TTN: variants seen among roughly 807,000 people sequenced by gnomAD.
TTN encodes titin.
TTN carries 1,525 observed loss-of-function variants against 3,223.0 expected under a neutral mutation model. The ratio of observed to expected loss-of-function variants is 0.47; its 90% CI spans 0.45 to 0.49. The LOEUF (loss-of-function observed/expected upper bound fraction) is 0.49. TTN is among the 20% of genes least tolerant of loss of function. TTN has a pLI of 0.00. For missense variants in TTN, 40,786 were observed against 43,424.0 expected (o/e 0.94, Z 5.40); for synonymous variants, 14,094 against 15,161.0 (o/e 0.93, Z 5.17).
chr2:178,712,067 A>C lies in TTN; in HGVS notation c.27763T>G (p.Phe9255Val), dbSNP rs2076737035. 1.9e-6 allele frequency: 3 copies of C among 1,613,800 alleles called. No individual in the cohort carries two copies. Among genetic ancestry groups the C allele is most frequent in the Non-Finnish European group, 2.5e-6 (3 of 1,179,784 alleles). ...LRPTTTYKMHFRNNVATLVFN... is the reference protein window; with the variant it reads ...LRPTTTYKMHVRNNVATLVFN... Reference sequence around the variant, plus strand: ...ACCAGTGTAGCAACATTATTCCTAAAATGCATTTTGTAAGTCGTAGTGGGT... The same window carrying C: ...ACCAGTGTAGCAACATTATTCCTAACATGCATTTTGTAAGTCGTAGTGGGT... The change falls in exon 96 of 363, where the codon TTT (phenylalanine) becomes GTT (valine). Residue 9255 changes from phenylalanine (F) to valine (V), a missense_variant. Phe to Val is a conservative substitution (Grantham distance 50). Coordinates refer to ENST00000589042, the MANE Select transcript of TTN (RefSeq NM_001267550.2).
rs2060245569 is a variant in TTN at position 178,634,932 on chromosome 2, G to T, written c.42025-83C>A. 2 of 1,484,996 alleles carry T rather than the reference G, an allele frequency of 1.3e-6. No homozygotes were observed. The highest frequency in any genetic ancestry group is 2.4e-5 in the East Asian group (1 of 42,358). The allele number at this position is 1,484,996 out of a possible 1,614,324, so 92.0% of individuals were successfully genotyped here. On this transcript the variant is annotated intron_variant, in intron 228 of 362. Coordinates refer to ENST00000589042, the MANE Select transcript of TTN (RefSeq NM_001267550.2). The surrounding 1 kb of genome is among the most constrained non-coding windows in gnomAD (Gnocchi z 4.6). ...TGTTTCAGATACAAATTTCTATAGA[G>T]TTTTAAAAATTACTACTAATAAAAG...
Position 178,684,755 on chromosome 2 carries a change from A to G in TTN, c.32555-6T>C, listed in dbSNP as rs375742678. 340 of 1,613,412 alleles carry G rather than the reference A, an allele frequency of 2.1e-4. No homozygotes were observed. In the African/African-American group the frequency reaches 4.2e-3, roughly 20 times the overall value. ...TTTCTTTGGCTCTTCTGGCACTTAA[A>G]AGATACCAGGCAATACCATCAAACA... is the stretch of plus-strand genomic sequence containing the variant. On this transcript the variant is annotated splice_region_variant and splice_polypyrimidine_tract_variant and intron_variant, in intron 130 of 362. Transcript: ENST00000589042.
At chr2:178,743,575 T>C (rs185345846) in intron 47 of TTN, among the ~76,000 whole-genome samples, 1 of 152,130 alleles carries the variant, frequency 6.6e-6, no homozygotes, top group Admixed American at 6.6e-5. Context: ...TTTTCAGCTC[T>C]TCCTGAAATC....
At chr2:178,749,013 A>T (rs1561003401) in intron 47 of TTN, 1 of 1,612,508 alleles carries the variant, frequency 6.2e-7, no homozygotes, top group Non-Finnish European at 8.5e-7. Context: ...AATTTTTCAA[A>T]TTCGATAATT....
chr2:178,611,996 ACAC>A (rs750059402), intron 267 of TTN, 42 bp from the exon 268 acceptor site: 5 of 1,604,390 alleles, frequency 3.1e-6, no homozygotes, highest in Non-Finnish European at 4.2e-6. Context: ...TAATGAAAAA[ACAC>A]AGTTAAGAAT....
At chr2:178,643,561 CT>C (rs2061512125) in intron 218 of TTN, among the ~76,000 whole-genome samples, 1 of 151,848 alleles carries the variant, frequency 6.6e-6, no homozygotes, top group East Asian at 1.9e-4. Context: ...ATTTTCTTTA[CT>C]GATATAATGA....
At chr2:178,598,434 A>G (rs1384133933) in intron 292 of TTN, 72 bp downstream of exon 292, 17 of 1,531,114 alleles carry the variant, frequency 1.1e-5, no homozygotes, top group Middle Eastern at 1.7e-4. Flanking sequence ...ACAGAAGTTA[A>G]TGGGATTGAG....
intron 350 of TTN, 200 bp downstream of exon 350, chr2:178,541,082 C>A: frequency 2.4e-6 from 1 of 421,132 alleles, no homozygotes; most frequent in Non-Finnish European, 4.0e-6. Flanking sequence ...TCGCTAGCAG[C>A]TGGGGTGGGG....
intron 33 of TTN, 191 bp downstream of exon 33, chr2:178,772,918 T>C: frequency 1.5e-6 from 1 of 669,396 alleles, no homozygotes; most frequent in Non-Finnish European, 2.5e-6. Flanking sequence ...AGGTGACGTT[T>C]GAGGTAGGCC....
Position 178,576,839 on chromosome 2 carries a change from G to A in TTN, c.69413-8C>T. 1 of 1,602,140 alleles carries A rather than the reference G, an allele frequency of 6.2e-7. No individual in the cohort carries two copies. The highest frequency in any genetic ancestry group is 8.5e-7 in the Non-Finnish European group (1 of 1,176,884). On this transcript the variant is annotated splice_polypyrimidine_tract_variant and splice_region_variant and intron_variant, in intron 324 of 362. Coordinates refer to ENST00000589042, the MANE Select transcript of TTN (RefSeq NM_001267550.2). The surrounding 1 kb of genome is among the most constrained non-coding windows in gnomAD (Gnocchi z 4.3). ...CAGGAGGGCCAGGGGGACCTGAAAA[G>A]GAAGCAAATTTATTAGAAATCCATG...
chr2:178,547,500 A>T lies in TTN; in HGVS notation c.94126T>A (p.Tyr31376Asn). 4 of 1,613,456 alleles carry T rather than the reference A, an allele frequency of 2.5e-6. No individual in the cohort carries two copies. The highest frequency in any genetic ancestry group is 3.4e-6 in the Non-Finnish European group (4 of 1,179,696). Residue 31376 changes from tyrosine to asparagine, a missense_variant, in exon 339 of 363, where the codon TAC becomes AAC. By Grantham distance (143) the Tyr-to-Asn change is moderately radical. Transcript: ENST00000589042. Reference sequence around the variant, plus strand: ...CTGACACGGAAAGAATATTCCATGTATTTTGTGAGATGAGTGACTTTAATT... The same window carrying T: ...CTGACACGGAAAGAATATTCCATGTTTTTTGTGAGATGAGTGACTTTAATT... ...TQIKVTHLTK[Y>N]MEYSFRVSSE...
In TTN at chr2:178,618,858, T is replaced by C. The variant is rs182706301; in HGVS notation, c.46697-5A>G. On this transcript the variant is annotated splice_polypyrimidine_tract_variant and splice_region_variant and intron_variant, in intron 250 of 362. Transcript: ENST00000589042. The stretch of plus-strand genomic sequence containing the variant: ...CTGTCTTGATTTTTGGTGCAGCTAG[T>C]GAGAAAGATAACATGTGAACGCTTT... 9.5e-5 allele frequency: 153 copies of C among 1,608,178 alleles called. No homozygotes were observed. The African/African-American group carries it at 1.6e-3, about 17-fold the overall frequency.
chr2:178,647,701 T>TA (rs2062237918), intron 213 of TTN, among the ~76,000 whole-genome samples: 1 of 152,088 alleles, frequency 6.6e-6, no homozygotes. Flanking sequence ...CTTTGACACT[T>TA]AAAAAAATTT....
intron 1 of TTN, 32 bp from the exon 2 acceptor site, chr2:178,804,687 C>T: frequency 6.3e-7 from 1 of 1,598,772 alleles, no homozygotes; most frequent in Non-Finnish European, 8.6e-7. Flanking sequence ...ATTAGGGTGT[C>T]CCAGCTAAGG....
chr2:178,678,443 G>A lies in TTN; in HGVS notation c.33881C>T (p.Pro11294Leu), dbSNP rs372841136. ...VPEKKVPVPA[P>L]KKVEAPPAKV... Reference sequence around the variant, plus strand: ...TGCAGGTGGAGCCTCCACTTTCTTAGGAGCAGGAACTGGCACCTTCTTCTC... The same window carrying A: ...TGCAGGTGGAGCCTCCACTTTCTTAAGAGCAGGAACTGGCACCTTCTTCTC... Residue 11294 changes from proline to leucine, a missense_variant, in exon 144 of 363, where the codon CCT (proline) becomes CTT (leucine). Coordinates refer to ENST00000589042, the MANE Select transcript of TTN (RefSeq NM_001267550.2). 2 of 1,596,536 alleles carry A rather than the reference G, an allele frequency of 1.3e-6. No individual in the cohort carries two copies. The highest frequency in any genetic ancestry group is 1.7e-4 in the Middle Eastern group (1 of 6,042).
chr2:178,681,346 GT>G, intron 137 of TTN, 29 bp downstream of exon 137: 2 of 1,586,916 alleles, frequency 1.3e-6, no homozygotes, highest in Admixed American at 1.7e-5. Context: ...TAACAAAGTT[GT>G]TTTTGGTGAT....
intron 47 of TTN, chr2:178,752,079 ACTTG>A: frequency 6.4e-7 from 1 of 1,560,720 alleles, no homozygotes; most frequent in Non-Finnish European, 8.7e-7. Context: ...TTTCCATAGA[ACTTG>A]AAAAAGTTGA....
chr2:178,719,978 C>G lies in TTN; in HGVS notation c.23659+5G>C. On this transcript the variant is annotated splice_donor_5th_base_variant and intron_variant, in intron 81 of 362. Transcript: ENST00000589042. ...TTTTTTCTCTGGCTGTGCTTTGCTACTAACCTAGTACAGTCAAGACTGCAG... is the reference window on the plus strand; with the variant it reads ...TTTTTTCTCTGGCTGTGCTTTGCTAGTAACCTAGTACAGTCAAGACTGCAG... 6.3e-7 allele frequency: 1 copy of G among 1,588,260 alleles called. No individual in the cohort carries two copies. Among genetic ancestry groups the G allele is most frequent in the Non-Finnish European group, 8.6e-7 (1 of 1,166,256 alleles).
rs2062804538 is a variant in TTN at position 178,650,766 on chromosome 2, A to T, written c.39694T>A (p.Ser13232Thr). The change falls in exon 209 of 363, where the codon TCT (serine) becomes ACT (threonine). Residue 13232 changes from serine (S) to threonine (T), a missense_variant. By Grantham distance (58) the Ser-to-Thr change is moderately conservative. Transcript: ENST00000589042. ...PAVPVPERAE[S>T]PPPEVYEEPE... The stretch of plus-strand genomic sequence containing the variant: ...TCACGTGTACCTTCTGGGGGAGGAG[A>T]CTCCGCTCTTTCTGGAACAGGAACA... The T allele has an allele frequency of 1.2e-6, 2 of 1,605,314 alleles. No individual in the cohort carries two copies. The highest frequency in any genetic ancestry group is 1.7e-6 in the Non-Finnish European group (2 of 1,175,756).
Sources: gnomAD v4.1 joint callset for allele counts (sites outside exome capture counted in the v4.1 genomes callset) on GRCh38, gnomAD v4.1.1 for gene constraint, Gnocchi (gnomAD v3.1) non-coding constraint, MANE v1.5 for transcripts, NCBI Gene and HGNC (gene_info 2026-07-23, HGNC 2026-07-21) for gene names.